Variants in ZNF518A observed in about 807,000 individuals in gnomAD.
ZNF518A encodes the protein zinc finger protein 518.
A neutral mutation model predicts 102.7 loss-of-function variants in ZNF518A; 47 were observed. The observed-to-expected ratio is 0.46, with a 90% CI of 0.36 to 0.58. The LOEUF (loss-of-function observed/expected upper bound fraction) is 0.58. Among genes scored for constraint, ZNF518A ranks in the 20% least tolerant of loss-of-function variants. The pLI is 0.00. For missense variants in ZNF518A, 1,793 were observed against 1,699.8 expected (o/e 1.05, Z -0.96); for synonymous variants, 652 against 594.6 (o/e 1.10, Z -1.40).
At chr10:96,134,574 T>G (rs1425790096) in intron 3 of ZNF518A, among the ~76,000 whole-genome samples, 1 of 152,206 alleles carries the variant, frequency 6.6e-6, no homozygotes, top group African/African-American at 2.4e-5. Flanking sequence ...CAGTTTGTAC[T>G]ATTTGACCCA....
intron 1 of ZNF518A, among the ~76,000 whole-genome samples, chr10:96,192,694 C>T (rs1485274034): frequency 4.0e-5 from 6 of 151,892 alleles, no homozygotes; most frequent in African/African-American, 1.5e-4. Flanking sequence ...CTTATTTTTC[C>T]AAATTTTGAT....
chr10:96,148,527 A>G (rs2082276318), intron 3 of ZNF518A, among the ~76,000 whole-genome samples: 1 of 123,150 alleles, frequency 8.1e-6, no homozygotes, highest in South Asian at 3.0e-4. Context: ...TCTTGAACTA[A>G]TATTAGAGGG....
chr10:96,157,045 T>A lies in ZNF518A; in HGVS notation c.723T>A (p.His241Gln). ...EIHYKCGKCH[H>Q]VCFTKGELQK... Reference sequence around the variant, plus strand: ...ATTATAAGTGTGGTAAATGTCATCATGTATGTTTTACCAAAGGAGAGCTTC... The same window carrying A: ...ATTATAAGTGTGGTAAATGTCATCAAGTATGTTTTACCAAAGGAGAGCTTC... The change falls in exon 6 of 6, where the codon CAT becomes CAA. Residue 241 changes from histidine (H) to glutamine (Q), a missense_variant. Coordinates refer to ENST00000316045, the MANE Select transcript of ZNF518A (RefSeq NM_001330736.2). The A allele has an allele frequency of 3.1e-6, 5 of 1,613,744 alleles. No homozygotes were observed. The highest frequency in any genetic ancestry group is 4.2e-6 in the Non-Finnish European group (5 of 1,179,742).
intron 1 of ZNF518A, among the ~76,000 whole-genome samples, chr10:96,132,091 G>A (rs1554872178): frequency 6.6e-6 from 1 of 151,530 alleles, no homozygotes; most frequent in African/African-American, 2.4e-5. Flanking sequence ...AGGTTTTGTG[G>A]CAAAGTGCTA....
chr10:96,180,180 CTTTTTTTTT>C (rs60561670), intron 1 of ZNF518A, among the ~76,000 whole-genome samples: 1,045 of 96,284 alleles, frequency 0.011, 19 homozygotes, highest in African/African-American at 0.04. Flanking sequence ...GCTCCAGCCT[CTTTTTTTTT>C]TTTTTTTTTT....
At position 96,156,309 on chromosome 10, in the gene ZNF518A, T is replaced by G; in HGVS notation, c.-14T>G. ...TTTCAGAAAAAAAGAAATTGGGACT[T>G]TTTTGGTTAAATCATGCCATCTGAA... On this transcript the variant is annotated 5_prime_UTR_variant, in exon 6 of 6. Transcript: ENST00000316045. 1 of 1,544,826 alleles carries G rather than the reference T, an allele frequency of 6.5e-7. No homozygotes were observed. Among genetic ancestry groups the G allele is most frequent in the Non-Finnish European group, 8.7e-7 (1 of 1,153,384 alleles).
At chr10:96,132,695 A>C (rs752322392) in intron 2 of ZNF518A, 25 bp downstream of exon 2, 1 of 152,078 alleles carries the variant, frequency 6.6e-6, no homozygotes, top group Non-Finnish European at 1.5e-5. Flanking sequence ...GAAATACTGG[A>C]GTATATAGTC....
downstream of ZNF518A, among the ~76,000 whole-genome samples, chr10:96,164,036 A>C (rs1441557668): frequency 6.6e-6 from 1 of 152,206 alleles, no homozygotes; most frequent in Non-Finnish European, 1.5e-5. Context: ...GAGTAGTGCA[A>C]CTTATGAAGG....
chr10:96,129,997 A>C (rs938396637), upstream of ZNF518A: 1 of 152,644 alleles, frequency 6.6e-6, no homozygotes, highest in Non-Finnish European at 1.5e-5. Flanking sequence ...TCTCAGGTAA[A>C]GCGCAGATCC....
At chr10:96,188,580 G>C (rs1179241421) in intron 1 of ZNF518A, among the ~76,000 whole-genome samples, 2 of 152,184 alleles carry the variant, frequency 1.3e-5, no homozygotes, top group African/African-American at 4.8e-5. Context: ...ACTGAAGCTA[G>C]AGAGCTGATG....
At chr10:96,198,785 G>A (rs1423333923) in intron 1 of ZNF518A, among the ~76,000 whole-genome samples, 1 of 152,274 alleles carries the variant, frequency 6.6e-6, no homozygotes, top group South Asian at 2.1e-4. Context: ...TGCAACTTCC[G>A]CCTCCTAGGC....
intron 3 of ZNF518A, among the ~76,000 whole-genome samples, chr10:96,138,505 A>G (rs193036802): frequency 5.9e-5 from 9 of 152,342 alleles, no homozygotes; most frequent in Admixed American, 2.0e-4. Flanking sequence ...ACTGACTCCA[A>G]TAAGACCTTT....
chr10:96,191,104 T>C (rs1410047904), intron 1 of ZNF518A, among the ~76,000 whole-genome samples: 2 of 152,158 alleles, frequency 1.3e-5, no homozygotes. Context: ...CTGATGGTTT[T>C]ATAAAGGGCA....
intron 1 of ZNF518A, among the ~76,000 whole-genome samples, chr10:96,173,676 A>G (rs1393278618): frequency 6.6e-6 from 1 of 152,220 alleles, no homozygotes; most frequent in Non-Finnish European, 1.5e-5. Context: ...GTAAAGAATG[A>G]TAGTTGGACA....
intron 3 of ZNF518A, among the ~76,000 whole-genome samples, chr10:96,138,501 TC>T (rs1265889960): frequency 6.6e-6 from 1 of 152,234 alleles, no homozygotes; most frequent in Non-Finnish European, 1.5e-5. Flanking sequence ...AGATACTGAC[TC>T]CAATAAGACC....
chr10:96,155,586 T>C (rs2082659479), intron 4 of ZNF518A: 1 of 152,274 alleles, frequency 6.6e-6, no homozygotes, highest in African/African-American at 2.4e-5. Context: ...CTTTTTGTTC[T>C]TTTTGTTTGG....
chr10:96,136,210 G>A (rs1451101848), intron 3 of ZNF518A, among the ~76,000 whole-genome samples: 1 of 151,656 alleles, frequency 6.6e-6, no homozygotes, highest in Admixed American at 6.6e-5. Flanking sequence ...TTTCATTTTT[G>A]TATGCTAAAA....
intron 1 of ZNF518A, chr10:96,192,064 C>A (rs781943787): frequency 1.2e-6 from 2 of 1,613,590 alleles, no homozygotes; most frequent in Non-Finnish European, 1.7e-6. Flanking sequence ...TTGATGATTC[C>A]TGATGATTTC....
At chr10:96,185,372 T>C (rs372861227) in intron 1 of ZNF518A, among the ~76,000 whole-genome samples, 1 of 152,224 alleles carries the variant, frequency 6.6e-6, no homozygotes, top group African/African-American at 2.4e-5. Context: ...TGCAATCCTT[T>C]GGAGGAGAAG....
Sources: gnomAD v4.1 joint callset for allele counts (sites outside exome capture counted in the v4.1 genomes callset) on GRCh38, gnomAD v4.1.1 for gene constraint, MANE v1.5 for transcripts, NCBI Gene and HGNC (gene_info 2026-07-23, HGNC 2026-07-21) for gene names.